NACC2: variants seen among roughly 807,000 people sequenced by gnomAD.
NACC2 encodes NACC family member 2, also known as nucleus accumbens-associated protein 2.
A neutral mutation model predicts 25.1 loss-of-function variants in NACC2; 8 were observed. The ratio of observed to expected loss-of-function variants is 0.32; its 90% CI spans 0.19 to 0.57. NACC2 has a LOEUF of 0.57. Among genes scored for constraint, NACC2 ranks in the 20% least tolerant of loss-of-function variants. NACC2 has a pLI of 0.89. For missense variants in NACC2, 644 were observed against 650.2 expected (o/e 0.99, Z 0.10); for synonymous variants, 435 against 294.7 (o/e 1.48, Z -4.88).
In NACC2 at chr9:136,013,146, G is replaced by T; in HGVS notation, c.1255+53C>A. ...GGCCCACCCAGTCCTCCTCAGGCTGGGATCTGAACCCAGCCCCGGCCCCAC... is the reference window on the plus strand; with the variant it reads ...GGCCCACCCAGTCCTCCTCAGGCTGTGATCTGAACCCAGCCCCGGCCCCAC... On this transcript the variant is annotated intron_variant, in intron 5 of 5. Coordinates refer to ENST00000277554, the MANE Select transcript of NACC2 (RefSeq NM_144653.5). The surrounding 1 kb of genome is among the most constrained non-coding windows in gnomAD (Gnocchi z 6.6). The T allele has an allele frequency of 6.8e-7, 1 of 1,465,916 alleles. No homozygotes were observed. Among genetic ancestry groups the T allele is most frequent in the Non-Finnish European group, 9.5e-7 (1 of 1,057,574 alleles). The allele number at this position is 1,465,916 out of a possible 1,614,324, so 90.8% of individuals were successfully genotyped here. A position where few individuals can be genotyped will look rare whatever the true frequency, so the allele number is the denominator to read the frequency against.
At chr9:136,045,061 A>G (rs1336608976) in intron 2 of NACC2, among the ~76,000 whole-genome samples, 1 of 152,244 alleles carries the variant, frequency 6.6e-6, no homozygotes, top group East Asian at 1.9e-4. Flanking sequence ...AGGGTCCAGG[A>G]TGTGGGCAGC....
chr9:136,075,077 G>A (rs936955456), intron 1 of NACC2, among the ~76,000 whole-genome samples: 21 of 152,226 alleles, frequency 1.4e-4, no homozygotes, highest in Non-Finnish European at 1.9e-4. Flanking sequence ...TTGGTTCTGC[G>A]TGAAATGAGC....
intron 2 of NACC2, among the ~76,000 whole-genome samples, chr9:136,039,303 G>A (rs1220899542): frequency 2.0e-5 from 3 of 152,192 alleles, no homozygotes; most frequent in Non-Finnish European, 4.4e-5. Context: ...AAAGTCAATT[G>A]TAATTGGTAA....
rs574724106 is a variant in NACC2, at chr9:136,019,318, C to G, written c.887-2889G>C. On this transcript the variant is annotated intron_variant, in intron 2 of 5. Coordinates refer to ENST00000277554, the MANE Select transcript of NACC2 (RefSeq NM_144653.5). The surrounding 1 kb of genome is among the most constrained non-coding windows in gnomAD (Gnocchi z 5.2). ...GAGGCCCCGTGAGTCGGGGCCAGAGCTGGGTTCCAGGGTGGCAGGAGGCCC... is the reference window on the plus strand; with the variant it reads ...GAGGCCCCGTGAGTCGGGGCCAGAGGTGGGTTCCAGGGTGGCAGGAGGCCC... The G allele has an allele frequency of 2.0e-5, 3 of 152,284 alleles. 1 individual carries two copies. The highest frequency in any genetic ancestry group is 4.4e-5 in the Non-Finnish European group (3 of 68,086). 9.4% of individuals were successfully genotyped at this position (152,284 alleles called of 1,614,324 possible).
At chr9:136,023,577 C>A (rs1840330577) in intron 2 of NACC2, among the ~76,000 whole-genome samples, 1 of 152,220 alleles carries the variant, frequency 6.6e-6, no homozygotes, top group African/African-American at 2.4e-5. Context: ...GTCCTGGAGA[C>A]TCAAGAAGTC....
chr9:136,057,484 C>T (rs1840941938), intron 1 of NACC2, among the ~76,000 whole-genome samples: 1 of 152,218 alleles, frequency 6.6e-6, no homozygotes, highest in Non-Finnish European at 1.5e-5. Flanking sequence ...CTCCCTCACA[C>T]CACAAAACAT....
chr9:136,035,081 G>A (rs888705085), intron 2 of NACC2, among the ~76,000 whole-genome samples: 6 of 152,076 alleles, frequency 3.9e-5, no homozygotes, highest in Non-Finnish European at 7.4e-5. Flanking sequence ...GTGACAGAGC[G>A]AGACTCCATC....
chr9:136,082,759 G>A lies in NACC2; in HGVS notation c.-60+12430C>T, dbSNP rs556456131. ...CATCAGATCACAGCCCCCTCTCCCC[G>A]GCGGGTGGGGCTGGCTCTTGGCCAG... is the stretch of plus-strand genomic sequence containing the variant. On this transcript the variant is annotated intron_variant, in intron 1 of 5. Transcript: ENST00000277554. Among the ~76,000 whole-genome samples, 18 of 152,306 alleles carry A rather than the reference G, an allele frequency of 1.2e-4. No individual in the cohort carries two copies. The South Asian group carries it at 1.2e-3, about 11-fold the overall frequency.
chr9:136,062,191 AAAAG>A (rs1841023364), intron 1 of NACC2, among the ~76,000 whole-genome samples: 2 of 152,104 alleles, frequency 1.3e-5, no homozygotes, highest in South Asian at 2.1e-4. Flanking sequence ...AAAGAGAGAG[AAAAG>A]AAAGAAAGAA....
Position 136,020,990 on chromosome 9 carries a change from T to C in NACC2, c.887-4561A>G, listed in dbSNP as rs1840282894. Among the ~76,000 whole-genome samples, 1 of 152,084 alleles carries C rather than the reference T, an allele frequency of 6.6e-6. No individual in the cohort carries two copies. The highest frequency in any genetic ancestry group is 1.5e-5 in the Non-Finnish European group (1 of 68,030). The stretch of plus-strand genomic sequence containing the variant: ...ATGAGCTTAGGTTAAGCTAAAGTCT[T>C]AGACAAGGCCCCCAAAGCACGATCC... On this transcript the variant is annotated intron_variant, in intron 2 of 5. Coordinates refer to ENST00000277554, the MANE Select transcript of NACC2 (RefSeq NM_144653.5). This position sits in a 1 kb window ranked among gnomAD's most constrained non-coding sequence, Gnocchi z 4.7.
rs1346066851 is a variant in NACC2 at position 136,086,161 on chromosome 9, T to C, written c.-60+9028A>G. 6.6e-6 allele frequency among the ~76,000 whole-genome samples: 1 copy of C among 152,140 alleles called. No individual in the cohort carries two copies. Among genetic ancestry groups the C allele is most frequent in the African/African-American group, 2.4e-5 (1 of 41,438 alleles). ...ACCCTTGTTGGACATTCTAAAAACCTTCAGAAGCCACTCCCTGAATGTGGC... is the reference window on the plus strand; with the variant it reads ...ACCCTTGTTGGACATTCTAAAAACCCTCAGAAGCCACTCCCTGAATGTGGC... On this transcript the variant is annotated intron_variant, in intron 1 of 5. Transcript: ENST00000277554. This position sits in a 1 kb window ranked among gnomAD's most constrained non-coding sequence, Gnocchi z 5.6.
At position 136,011,824 on chromosome 9, in the gene NACC2, C is replaced by T. The variant is rs7043846; in HGVS notation, c.1456G>A (p.Ala486Thr). 9,489 of 1,573,436 alleles carry T rather than the reference C, an allele frequency of 6.0e-3. 519 individuals are homozygous for T. In the African/African-American group the frequency reaches 0.11, roughly 19 times the overall value. The change falls in exon 6 of 6, where the codon GCC (alanine) becomes ACC (threonine). Residue 486 changes from alanine (A) to threonine (T), a missense_variant. Ala to Thr is a moderately conservative substitution (Grantham distance 58, BLOSUM62 0). Transcript: ENST00000277554. ...CGTTGCTCGAACACCTGTGCCGCGGCAGGCGGGAACTCGGGGTCGAGGGGC... is the reference window on the plus strand; with the variant it reads ...CGTTGCTCGAACACCTGTGCCGCGGTAGGCGGGAACTCGGGGTCGAGGGGC... Reference protein sequence around the residue: ...SVPLDPEFPPAAAQVFEQRIY... With the variant: ...SVPLDPEFPPTAAQVFEQRIY...
chr9:136,048,320 C>T (rs923451391), intron 2 of NACC2, among the ~76,000 whole-genome samples: 4 of 152,162 alleles, frequency 2.6e-5, no homozygotes, highest in African/African-American at 7.2e-5. Context: ...GGGCGGATTC[C>T]CCGGAGGCCT....
chr9:136,036,306 C>G (rs1840551859), intron 2 of NACC2, among the ~76,000 whole-genome samples: 1 of 152,162 alleles, frequency 6.6e-6, no homozygotes, highest in Admixed American at 6.5e-5. Context: ...AGGACGGCAA[C>G]TTGGAGATGC....
intron 1 of NACC2, among the ~76,000 whole-genome samples, chr9:136,085,362 T>G (rs1453295972): frequency 6.6e-6 from 1 of 151,890 alleles, no homozygotes; most frequent in Non-Finnish European, 1.5e-5. Flanking sequence ...ACAAAAATTT[T>G]TTTTAAATCA....
At chr9:136,088,970 G>C (rs189558091) in intron 1 of NACC2, among the ~76,000 whole-genome samples, 1 of 152,236 alleles carries the variant, frequency 6.6e-6, no homozygotes, top group East Asian at 1.9e-4. Flanking sequence ...TCTCGGCATC[G>C]CGTGGAGCGG....
chr9:136,072,938 A>G (rs1830213650), intron 1 of NACC2, among the ~76,000 whole-genome samples: 1 of 152,184 alleles, frequency 6.6e-6, no homozygotes, highest in South Asian at 2.1e-4. Flanking sequence ...ACAAGAGAAT[A>G]AAATATTTGT....
chr9:136,042,795 C>A (rs1015902127), intron 2 of NACC2, among the ~76,000 whole-genome samples: 3 of 150,930 alleles, frequency 2.0e-5, no homozygotes, highest in East Asian at 3.9e-4. Flanking sequence ...CACACATAGA[C>A]ACAGTGTTGC....
At chr9:136,024,866 C>T (rs537846644) in intron 2 of NACC2, among the ~76,000 whole-genome samples, 2 of 152,256 alleles carry the variant, frequency 1.3e-5, no homozygotes, top group South Asian at 2.1e-4. Context: ...GCAGCTGAGG[C>T]GGCAGGGCCT....
Sources: allele counts gnomAD v4.1 joint callset (sites outside exome capture counted in the v4.1 genomes callset), GRCh38; gene constraint gnomAD v4.1.1; non-coding constraint Gnocchi (gnomAD v3.1); transcripts MANE v1.5; gene names NCBI Gene and HGNC (gene_info 2026-07-23, HGNC 2026-07-21).